The following ITPRID2 variants were observed in gnomAD, a reference collection of about 807,000 sequenced individuals.
The protein encoded by ITPRID2 is protein ITPRID2.
A neutral mutation model predicts 124.3 loss-of-function variants in ITPRID2; 60 were observed. That is an observed-to-expected ratio of 0.48 (90% CI 0.39 to 0.60). The LOEUF is 0.60. ITPRID2 is among the 20% of genes least tolerant of loss of function. The pLI is 0.00. For synonymous variants in ITPRID2, 521 were observed against 542.9 expected, an observed-to-expected ratio of 0.96 and a Z score of 0.56; for missense variants, 1,553 against 1,512.2, an observed-to-expected ratio of 1.03 and a Z score of -0.45.
chr2:181,922,313 T>G lies in ITPRID2; in HGVS notation c.3576T>G (p.Ser1192=), dbSNP rs1367968300. 2 of 1,614,076 alleles carry G rather than the reference T, an allele frequency of 1.2e-6. No homozygotes were observed. The highest frequency in any genetic ancestry group is 4.5e-5 in the East Asian group (2 of 44,900). Residue 1192 remains serine, a synonymous_variant, in exon 16 of 18, where the codon TCT becomes TCG. Transcript: ENST00000431877. ...CCCCAGAAGTTGTAGGACCTAAATC[T>G]GAAGTGGAAGAAGGGCATGGAAAAC... ...EGAPEVVGPK[S]EVEEGHGKLP...
intron 8 of ITPRID2, among the ~76,000 whole-genome samples, chr2:181,903,303 A>C (rs1174129566): frequency 6.6e-6 from 1 of 152,162 alleles, no homozygotes; most frequent in Non-Finnish European, 1.5e-5. Context: ...TTTATACATG[A>C]GGAAACTGAG....
intron 2 of ITPRID2, chr2:181,894,098 A>G (rs1036743900): frequency 1.3e-5 from 2 of 152,232 alleles, no homozygotes; most frequent in African/African-American, 4.8e-5. Flanking sequence ...TTACAAATAC[A>G]TTTATAATGT....
Position 181,902,059 on chromosome 2 carries a change from G to A in ITPRID2, c.1006G>A (p.Gly336Ser), listed in dbSNP as rs770829003. Residue 336 changes from glycine to serine, a missense_variant, in exon 8 of 18, where the codon GGC (glycine) becomes AGC (serine). By Grantham distance (56) the Gly-to-Ser change is moderately conservative (BLOSUM62 0). Transcript: ENST00000431877. The surrounding 1 kb of genome is among the most constrained non-coding windows in gnomAD (Gnocchi z 4.4). ...ILNVSVIEES[G>S]NKNDQKSQKI... is the part of the protein sequence containing the mutation. ...AAATGTTTCAGTGATTGAAGAAAGT[G>A]GCAATAAAAACGATCAAAAGTCTCA... 2 of 1,611,998 alleles carry A rather than the reference G, an allele frequency of 1.2e-6. No homozygotes were observed. The highest frequency in any genetic ancestry group is 1.7e-6 in the Non-Finnish European group (2 of 1,179,412).
rs767039985 is a variant in ITPRID2 at position 181,915,848 on chromosome 2, G to A, written c.2208G>A (p.Arg736=). 6.2e-7 allele frequency: 1 copy of A among 1,614,136 alleles called. No individual in the cohort carries two copies. Among genetic ancestry groups the A allele is most frequent in the East Asian group, 2.2e-5 (1 of 44,870 alleles). The change falls in exon 11 of 18, where the codon AGG becomes AGA. Residue 736 remains arginine, a synonymous_variant. Transcript: ENST00000431877. ...CAAAAGCTGGCTATCCTCTAAGAAG[G>A]TCTCAGTCTTTACCAACCACCTTAT... ...LFAKAGYPLR[R]SQSLPTTLLS... is the part of the protein sequence containing the mutation.
At position 181,915,564 on chromosome 2, in the gene ITPRID2, G is replaced by T; in HGVS notation, c.1924G>T (p.Ala642Ser). 6.2e-7 allele frequency: 1 copy of T among 1,614,196 alleles called. No homozygotes were observed. The highest frequency in any genetic ancestry group is 8.5e-7 in the Non-Finnish European group (1 of 1,180,038). Reference protein sequence around the residue: ...ETVELLREASAESDVGKSSES... With the variant: ...ETVELLREASSESDVGKSSES... ...AGTAGAGCTACTGAGGGAAGCAAGT[G>T]CTGAAAGTGATGTGGGTAAAAGCAG... Residue 642 changes from alanine to serine, a missense_variant, in exon 11 of 18, where the codon GCT (alanine) becomes TCT (serine). By Grantham distance (99) the Ala-to-Ser change is moderately conservative. Transcript: ENST00000431877.
chr2:181,913,003 C>A (rs1006068656), intron 9 of ITPRID2, among the ~76,000 whole-genome samples: 1 of 151,986 alleles, frequency 6.6e-6, no homozygotes, highest in Non-Finnish European at 1.5e-5. Flanking sequence ...TCATAAAACA[C>A]CAGAGACATT....
chr2:181,910,547 C>G lies in ITPRID2; in HGVS notation c.1486+576C>G. The G allele has an allele frequency of 1.5e-6, 1 of 669,630 alleles. No homozygotes were observed. Among genetic ancestry groups the G allele is most frequent in the South Asian group, 1.7e-5 (1 of 57,866 alleles). The allele number at this position is 669,630 out of a possible 1,614,324, so 41.5% of individuals were successfully genotyped here. Reference sequence around the variant, plus strand: ...TTTTAACTTGCAACAACAACAACAACAAAAATGTGTGATCTTTGGATTTAC... The same window carrying G: ...TTTTAACTTGCAACAACAACAACAAGAAAAATGTGTGATCTTTGGATTTAC... On this transcript the variant is annotated intron_variant, in intron 9 of 17. Transcript: ENST00000431877. The surrounding 1 kb of genome is among the most constrained non-coding windows in gnomAD (Gnocchi z 4.1).
rs1181273447 is a variant in ITPRID2 at position 181,910,870 on chromosome 2, C to T, written c.1486+899C>T. On this transcript the variant is annotated intron_variant, in intron 9 of 17. Transcript: ENST00000431877. This position sits in a 1 kb window ranked among gnomAD's most constrained non-coding sequence, Gnocchi z 4.1. ...AGCTCTGGTTAGACTCAAAATTGAA[C>T]TTTACTATTTAATTTTCTTCCCCTT... Among the ~76,000 whole-genome samples, 1 of 152,100 alleles carries T rather than the reference C, an allele frequency of 6.6e-6. No homozygotes were observed. Among genetic ancestry groups the T allele is most frequent in the Non-Finnish European group, 1.5e-5 (1 of 67,992 alleles).
At position 181,901,873 on chromosome 2, in the gene ITPRID2, G is replaced by A. The variant is rs758773378; in HGVS notation, c.820G>A (p.Val274Met). 11 of 1,613,906 alleles carry A rather than the reference G, an allele frequency of 6.8e-6. No individual in the cohort carries two copies. The East Asian group carries it at 2.5e-4, about 36-fold the overall frequency. Residue 274 changes from valine to methionine, a missense_variant, in exon 8 of 18, where the codon GTG (valine) becomes ATG (methionine). Val to Met is a conservative substitution (Grantham distance 21). Transcript: ENST00000431877. The stretch of plus-strand genomic sequence containing the variant: ...GCAGAGAATTGGAAGTATGTCCTCA[G>A]TGACCTCTAACAAGGAGACAGACCC... ...PLQRIGSMSS[V>M]TSNKETDPPP...
chr2:181,898,085 T>G (rs1267242914), intron 4 of ITPRID2, among the ~76,000 whole-genome samples: 1 of 152,062 alleles, frequency 6.6e-6, no homozygotes, highest in East Asian at 1.9e-4. Context: ...TCTATTATGT[T>G]GTTTTACTGA....
intron 8 of ITPRID2, among the ~76,000 whole-genome samples, chr2:181,908,401 A>G: frequency 6.6e-6 from 1 of 152,252 alleles, no homozygotes. Flanking sequence ...CTTTACAGAA[A>G]GATACTTGAA....
rs751567739 is a variant in ITPRID2 at position 181,902,936 on chromosome 2, T to C, written c.1413+470T>C. On this transcript the variant is annotated intron_variant, in intron 8 of 17. Transcript: ENST00000431877. The surrounding 1 kb of genome is among the most constrained non-coding windows in gnomAD (Gnocchi z 4.4). ...GCGGCTTTGGGGATAGTTCTTGTTA[T>C]ATGACTGGAAAGAACATGAAGATAT... 6.6e-6 allele frequency among the ~76,000 whole-genome samples: 1 copy of C among 152,142 alleles called. No homozygotes were observed. The highest frequency in any genetic ancestry group is 1.5e-5 in the Non-Finnish European group (1 of 68,032).
intron 9 of ITPRID2, among the ~76,000 whole-genome samples, chr2:181,911,906 C>T (rs934763341): frequency 2.6e-5 from 4 of 152,118 alleles, no homozygotes; most frequent in Non-Finnish European, 5.9e-5. Context: ...ACCCATTGCC[C>T]CAAACCTGCT....
At position 181,910,433 on chromosome 2, in the gene ITPRID2, T is replaced by A. The variant is rs915752595; in HGVS notation, c.1486+462T>A. On this transcript the variant is annotated intron_variant, in intron 9 of 17. Transcript: ENST00000431877. The surrounding 1 kb of genome is among the most constrained non-coding windows in gnomAD (Gnocchi z 4.1). ...TAGTTAAAGCTAGTTAAATTCAAAC[T>A]ATGGGTCGAAGGTGAGTGGTTGTAG... The A allele has an allele frequency of 3.8e-6, 2 of 524,364 alleles. No individual in the cohort carries two copies. Among genetic ancestry groups the A allele is most frequent in the South Asian group, 6.7e-5 (2 of 29,772 alleles). The allele number at this position is 524,364 out of a possible 1,614,324, so 32.5% of individuals were successfully genotyped here. A position where few individuals can be genotyped will look rare whatever the true frequency, so the allele number is the denominator to read the frequency against.
intron 16 of ITPRID2, 78 bp downstream of exon 16, chr2:181,922,490 C>A: frequency 7.8e-7 from 1 of 1,284,928 alleles, no homozygotes; most frequent in Non-Finnish European, 1.1e-6. Flanking sequence ...TAATTATTTA[C>A]AGAATGTTCT....
chr2:181,915,479 T>C lies in ITPRID2; in HGVS notation c.1839T>C (p.Ser613=). Residue 613 remains serine (S), a synonymous_variant, in exon 11 of 18, where the codon AGT becomes AGC. Coordinates refer to ENST00000431877, the MANE Select transcript of ITPRID2 (RefSeq NM_001130445.3). ...ENTGTKQSTC[S]PGDHIIEITE... is the part of the protein sequence containing the mutation. ...CAGGAACTAAACAGTCCACCTGTAG[T>C]CCAGGGGATCATATCATTGAAATTA... 6.2e-7 allele frequency: 1 copy of C among 1,614,196 alleles called. No homozygotes were observed. The highest frequency in any genetic ancestry group is 8.5e-7 in the Non-Finnish European group (1 of 1,180,032).
rs777193719 is a variant in ITPRID2, at chr2:181,899,080, T to A, written c.471T>A (p.Thr157=). ...FHQKGRSMNS[T]GSGKSSGTVS... ...AGAAAGGGAGAAGTATGAATTCCAC[T>A]GGATCTGGGAAAAGTAGTGGGACAG... The change falls in exon 6 of 18, where the codon ACT becomes ACA. Residue 157 remains threonine (T), a synonymous_variant. Coordinates refer to ENST00000431877, the MANE Select transcript of ITPRID2 (RefSeq NM_001130445.3). 6.2e-7 allele frequency: 1 copy of A among 1,610,474 alleles called. No individual in the cohort carries two copies. Among genetic ancestry groups the A allele is most frequent in the African/African-American group, 1.3e-5 (1 of 74,746 alleles).
intron 17 of ITPRID2, among the ~76,000 whole-genome samples, chr2:181,928,712 G>A (rs1379769746): frequency 6.6e-6 from 1 of 150,784 alleles, no homozygotes; most frequent in African/African-American, 2.4e-5. Context: ...TGCAAGCTCC[G>A]CCTCCCGGGT....
intron 16 of ITPRID2, among the ~76,000 whole-genome samples, chr2:181,924,222 A>G (rs988442916): frequency 8.5e-5 from 13 of 152,218 alleles, no homozygotes; most frequent in Admixed American, 6.5e-5. Context: ...TACTTAAGAA[A>G]ACAAATTATT....
Sources: gnomAD v4.1 joint callset for allele counts (sites outside exome capture counted in the v4.1 genomes callset) on GRCh38, gnomAD v4.1.1 for gene constraint, Gnocchi (gnomAD v3.1) non-coding constraint, MANE v1.5 for transcripts, NCBI Gene and HGNC (gene_info 2026-07-23, HGNC 2026-07-21) for gene names.